CADPS2: variants seen among roughly 807,000 people sequenced by gnomAD.
The protein encoded by CADPS2 is calcium-dependent secretion activator 2.
CADPS2 carries 93 observed loss-of-function variants against 172.5 expected under a neutral mutation model. The observed-to-expected ratio is 0.54, with a 90% CI of 0.46 to 0.64. The LOEUF (loss-of-function observed/expected upper bound fraction) is 0.64. CADPS2 is among the 30% of genes least tolerant of loss of function. The pLI is 0.00. For missense variants in CADPS2, 1,420 were observed against 1,565.9 expected (o/e 0.91, Z 1.57); for synonymous variants, 546 against 555.2 (o/e 0.98, Z 0.23).
At chr7:122,409,434 A>G (rs911228187) in intron 19 of CADPS2, among the ~76,000 whole-genome samples, 9 of 152,238 alleles carry the variant, frequency 5.9e-5, no homozygotes, top group African/African-American at 2.2e-4. Context: ...TGGAAGACAG[A>G]GCCAGGATGA....
chr7:122,801,170 T>G (rs1021487775), intron 1 of CADPS2, among the ~76,000 whole-genome samples: 2 of 152,022 alleles, frequency 1.3e-5, no homozygotes, highest in South Asian at 4.1e-4. Context: ...TATGTACATA[T>G]AGGGAGAGAT....
At position 122,570,863 on chromosome 7, in the gene CADPS2, T is replaced by A. The variant is rs144357660; in HGVS notation, c.1335+10316A>T. 2.3e-4 allele frequency among the ~76,000 whole-genome samples: 35 copies of A among 152,088 alleles called. 2 individuals are homozygous for A. The South Asian group carries it at 6.2e-3, about 27-fold the overall frequency. ...ACACATGGACACAGGAAGGGGAACA[T>A]CACACTCTGGAGACTGTTGTGAGGT... On this transcript the variant is annotated intron_variant, in intron 7 of 29. Coordinates refer to ENST00000449022, the MANE Select transcript of CADPS2 (RefSeq NM_017954.11).
chr7:122,677,818 C>T (rs972845587), intron 2 of CADPS2, among the ~76,000 whole-genome samples: 2 of 152,136 alleles, frequency 1.3e-5, no homozygotes, highest in South Asian at 2.1e-4. Context: ...GTGGCTCATT[C>T]GGCTGAGCTG....
At chr7:122,593,202 C>CA (rs931356572) in intron 6 of CADPS2, among the ~76,000 whole-genome samples, 19 of 150,638 alleles carry the variant, frequency 1.3e-4, no homozygotes, top group South Asian at 6.3e-4. Context: ...TTCAACAAAA[C>CA]AAAAAAAATT....
At chr7:122,789,721 C>G (rs1429232989) in intron 1 of CADPS2, among the ~76,000 whole-genome samples, 2 of 152,164 alleles carry the variant, frequency 1.3e-5, no homozygotes, top group African/African-American at 2.4e-5. Flanking sequence ...AAGGGAAACA[C>G]TAATAATTTG....
chr7:122,454,946 T>G (rs2053579674), intron 14 of CADPS2, among the ~76,000 whole-genome samples: 2 of 152,134 alleles, frequency 1.3e-5, no homozygotes, highest in South Asian at 4.1e-4. Context: ...CAGCGCTTTC[T>G]TTGTCAGAGA....
intron 2 of CADPS2, among the ~76,000 whole-genome samples, chr7:122,720,560 G>A (rs184412522): frequency 1.3e-5 from 2 of 151,216 alleles, no homozygotes; most frequent in East Asian, 2.0e-4. Flanking sequence ...ATATATGCAT[G>A]TGTCTGTATA....
intron 6 of CADPS2, among the ~76,000 whole-genome samples, chr7:122,600,362 G>GA (rs1482263233): frequency 3.3e-5 from 5 of 152,096 alleles, no homozygotes; most frequent in South Asian, 2.1e-4. Flanking sequence ...GACCTTCTCT[G>GA]AAAAAACTGA....
At chr7:122,652,796 ACATT>A (rs576425898) in intron 3 of CADPS2, among the ~76,000 whole-genome samples, 197 of 152,226 alleles carry the variant, frequency 1.3e-3, no homozygotes, top group Non-Finnish European at 2.5e-3. Flanking sequence ...GGTGCTACTT[ACATT>A]GTTTTTATTC....
chr7:122,723,567 C>T (rs938401922), intron 2 of CADPS2, among the ~76,000 whole-genome samples: 45 of 152,168 alleles, frequency 3.0e-4, no homozygotes, highest in African/African-American at 6.0e-4. Flanking sequence ...GGAACACTTT[C>T]ACACTGCTGG....
chr7:122,554,094 T>A (rs1191033591), intron 8 of CADPS2, among the ~76,000 whole-genome samples: 4 of 152,098 alleles, frequency 2.6e-5, no homozygotes, highest in Non-Finnish European at 5.9e-5. Context: ...CATGTTTGGA[T>A]CAACACTCAT....
At chr7:122,679,902 CT>C (rs1255696790) in intron 2 of CADPS2, among the ~76,000 whole-genome samples, 5 of 152,258 alleles carry the variant, frequency 3.3e-5, no homozygotes, top group African/African-American at 1.2e-4. Flanking sequence ...TTTTTAGTCC[CT>C]GAGAAAGAAG....
intron 27 of CADPS2, among the ~76,000 whole-genome samples, chr7:122,346,448 G>A (rs2022124): frequency 6.6e-5 from 10 of 151,878 alleles, no homozygotes; most frequent in African/African-American, 1.9e-4. Flanking sequence ...TACTATGGGC[G>A]TTCAAGGAAT....
At chr7:122,682,207 A>G (rs76409460) in intron 2 of CADPS2, among the ~76,000 whole-genome samples, 11,071 of 152,300 alleles carry the variant, frequency 0.073, 534 homozygotes, top group Middle Eastern at 0.13. Flanking sequence ...TCTGTTTGAC[A>G]CTGTGCAACA....
intron 2 of CADPS2, among the ~76,000 whole-genome samples, chr7:122,666,202 G>C (rs749164615): frequency 5.3e-5 from 8 of 152,070 alleles, no homozygotes; most frequent in African/African-American, 1.7e-4. Context: ...TGGTCTATCT[G>C]TACCCTAATT....
At position 122,568,385 on chromosome 7, in the gene CADPS2, C is replaced by T. The variant is rs969198029; in HGVS notation, c.1335+12794G>A. On this transcript the variant is annotated intron_variant, in intron 7 of 29. Transcript: ENST00000449022. ...AGTTAATGAGAAGGAAATCGTAATC[C>T]CATCTATCTATACACTGCCATATCA... Among the ~76,000 whole-genome samples, 5 of 151,908 alleles carry T rather than the reference C, an allele frequency of 3.3e-5. No homozygotes were observed. The East Asian group carries it at 5.8e-4, about 18-fold the overall frequency.
intron 2 of CADPS2, among the ~76,000 whole-genome samples, chr7:122,716,659 C>T (rs554715954): frequency 1.5e-4 from 23 of 152,100 alleles, no homozygotes; most frequent in Admixed American, 2.6e-4. Context: ...GCACATGTAC[C>T]CTAGAACTTA....
intron 2 of CADPS2, among the ~76,000 whole-genome samples, chr7:122,725,989 T>C (rs1487810048): frequency 6.6e-6 from 1 of 151,936 alleles, no homozygotes; most frequent in Non-Finnish European, 1.5e-5. Context: ...AGTTGGTGTC[T>C]CCTAAACAGT....
At chr7:122,863,248 C>T (rs1753715090) in intron 1 of CADPS2, among the ~76,000 whole-genome samples, 1 of 152,036 alleles carries the variant, frequency 6.6e-6, no homozygotes, top group Admixed American at 6.6e-5. Context: ...CGAAAACTTG[C>T]TATATATTAA....
Sources: gnomAD v4.1 joint callset for allele counts (sites outside exome capture counted in the v4.1 genomes callset) on GRCh38, gnomAD v4.1.1 for gene constraint, MANE v1.5 for transcripts, NCBI Gene and HGNC (gene_info 2026-07-23, HGNC 2026-07-21) for gene names.